AKR1E2: variants seen among roughly 807,000 people sequenced by gnomAD.
AKR1E2 encodes the protein aldo-keto reductase family 1 member E2.
A neutral mutation model predicts 41.9 loss-of-function variants in AKR1E2; 43 were observed. The observed-to-expected ratio is 1.03, with a 90% confidence interval of 0.80 to 1.32. The LOEUF (loss-of-function observed/expected upper bound fraction) is 1.32. Ranked by LOEUF, AKR1E2 falls within the 40% of genes most tolerant of loss-of-function variation. The pLI is 0.00. For synonymous variants in AKR1E2, 121 were observed against 138.9 expected, an observed-to-expected ratio of 0.87 and a Z score of 0.91; for missense variants, 423 against 396.5, an observed-to-expected ratio of 1.07 and a Z score of -0.57.
At chr10:4,825,348 G>T (rs921403684), upstream of AKR1E2, among the ~76,000 whole-genome samples, 12 of 152,186 alleles carry the variant, frequency 7.9e-5, no homozygotes, top group African/African-American at 2.9e-4. Context: ...GGGCAATGAA[G>T]GGGGAGCTGT....
chr10:4,825,492 G>A (rs780286570), upstream of AKR1E2, among the ~76,000 whole-genome samples: 11 of 152,116 alleles, frequency 7.2e-5, no homozygotes, highest in Non-Finnish European at 1.3e-4. Flanking sequence ...ACGGGGGCCC[G>A]AGGCTGCAAG....
At position 4,826,334 on chromosome 10, in the gene AKR1E2, AT is replaced by A. The variant is rs1832498097; in HGVS notation, c.11del (p.Ile4ThrfsTer16). MGDIPAVGLSSWKA... is the reference protein window; with the variant it reads MGDXPAVGLSSWKA... The stretch of plus-strand genomic sequence containing the variant: ...GCGGCCGGCGGCGGCCATGGGAGAT[AT>A]CCCAGCCGTGGGCCTCAGCTCCTGG... On this transcript the variant is annotated frameshift_variant, in exon 1 of 10. Transcript: ENST00000298375. LOFTEE classifies it high-confidence loss of function. 1 of 1,234,642 alleles carries A rather than the reference AT, an allele frequency of 8.1e-7. No individual in the cohort carries two copies. Among genetic ancestry groups the A allele is most frequent in the Non-Finnish European group, 1.0e-6 (1 of 987,530 alleles). The allele number at this position is 1,234,642 out of a possible 1,614,324, so 76.5% of individuals were successfully genotyped here.
the AKR1E2 span, among the ~76,000 whole-genome samples, chr10:4,863,305 G>C: frequency 3.3e-5 from 5 of 151,832 alleles, no homozygotes; most frequent in African/African-American, 7.3e-5. Flanking sequence ...GATTAAGAAA[G>C]TCACTCAAAA....
At chr10:4,849,723 A>G (rs1199597231), downstream of AKR1E2, among the ~76,000 whole-genome samples, 1 of 152,196 alleles carries the variant, frequency 6.6e-6, no homozygotes, top group Non-Finnish European at 1.5e-5. Context: ...GTTAACAGTA[A>G]TACGTCAGGT....
At position 4,833,566 on chromosome 10, in the gene AKR1E2, G is replaced by A. The variant is rs1047933917; in HGVS notation, c.324+100G>A. 5.4e-5 allele frequency: 55 copies of A among 1,025,178 alleles called. No homozygotes were observed. In the African/African-American group the frequency reaches 7.1e-4, roughly 13 times the overall value. 63.5% of individuals were successfully genotyped at this position (1,025,178 alleles called of 1,614,324 possible). On this transcript the variant is annotated intron_variant, in intron 3 of 9. Transcript: ENST00000298375. ...GGGAGAGCATGGACCAGCATTCAGG[G>A]CAGGGGTTCCCAGGCTGCATCTGCC...
chr10:4,837,624 G>A (rs1376439086), intron 5 of AKR1E2, 43 bp downstream of exon 5: 1 of 1,589,278 alleles, frequency 6.3e-7, no homozygotes, highest in East Asian at 2.3e-5. Context: ...TGTGTGGCTG[G>A]TCCCCCAGCT....
the AKR1E2 span, among the ~76,000 whole-genome samples, chr10:4,858,823 ATTT>A: frequency 1.5e-5 from 2 of 131,974 alleles, no homozygotes; most frequent in African/African-American, 2.9e-5. Context: ...AGGAATTTGG[ATTT>A]TTTTTTTTTT....
At position 4,847,195 on chromosome 10, in the gene AKR1E2, C is replaced by T. The variant is rs1377874267; in HGVS notation, c.885C>T (p.Ser295=). 3 of 1,614,162 alleles carry T rather than the reference C, an allele frequency of 1.9e-6. No homozygotes were observed. The highest frequency in any genetic ancestry group is 3.3e-5 in the Admixed American group (2 of 60,016). ...LTQHDMDNIL[S]LNRNLRLAMF... is the part of the protein sequence containing the mutation. ...AGCACGATATGGATAACATCCTCAG[C>T]CTAAACAGGAATCTCCGACTGGCCA... Residue 295 remains serine, a synonymous_variant, in exon 9 of 10, where the codon AGC becomes AGT. Transcript: ENST00000298375.
chr10:4,864,187 A>G, the AKR1E2 span, among the ~76,000 whole-genome samples: 3 of 152,150 alleles, frequency 2.0e-5, no homozygotes, highest in Admixed American at 6.5e-5. Context: ...AATATCCCTG[A>G]TGAAATTGAC....
chr10:4,859,750 C>T, the AKR1E2 span, among the ~76,000 whole-genome samples: 3 of 152,240 alleles, frequency 2.0e-5, no homozygotes, highest in African/African-American at 7.2e-5. Flanking sequence ...ACTGTCCTTC[C>T]TTTCTCTGAA....
At position 4,847,901 on chromosome 10, in the gene AKR1E2, C is replaced by T. The variant is rs1449352000; in HGVS notation, c.*371C>T. The T allele has an allele frequency of 1.0e-5, 2 of 198,816 alleles. No individual in the cohort carries two copies. The highest frequency in any genetic ancestry group is 2.0e-5 in the Non-Finnish European group (2 of 99,464). 12.3% of individuals were successfully genotyped at this position (198,816 alleles called of 1,614,324 possible). A position where few individuals can be genotyped will look rare whatever the true frequency, so the allele number is the denominator to read the frequency against. ...CCATTGCGCAGCTCCACCCATTGTG[C>T]CCCAGGCCAGCCCGCGTCACCTACA... On this transcript the variant is annotated 3_prime_UTR_variant, in exon 10 of 10. Coordinates refer to ENST00000298375, the MANE Select transcript of AKR1E2 (RefSeq NM_001040177.3).
chr10:4,833,951 T>C (rs1375297287), intron 3 of AKR1E2, among the ~76,000 whole-genome samples: 2 of 152,244 alleles, frequency 1.3e-5, no homozygotes, highest in Non-Finnish European at 2.9e-5. Context: ...CTTGGTTTTA[T>C]TCTCTTAATT....
chr10:4,867,706 C>T, the AKR1E2 span, among the ~76,000 whole-genome samples: 2 of 152,170 alleles, frequency 1.3e-5, no homozygotes, highest in African/African-American at 4.8e-5. Context: ...TTCTTTTTAA[C>T]CCACAGTTCT....
intron 2 of AKR1E2, among the ~76,000 whole-genome samples, chr10:4,831,827 A>G (rs17133680): frequency 0.035 from 5,303 of 152,254 alleles, 148 homozygotes; most frequent in East Asian, 0.11. Context: ...GCCCTGTTTC[A>G]TTTTTAAATA....
chr10:4,861,025 G>C, the AKR1E2 span, among the ~76,000 whole-genome samples: 1 of 152,164 alleles, frequency 6.6e-6, no homozygotes, highest in African/African-American at 2.4e-5. Flanking sequence ...AATTTGACCA[G>C]TACATTATAA....
chr10:4,850,515 C>T (rs534202230), downstream of AKR1E2, among the ~76,000 whole-genome samples: 36 of 152,312 alleles, frequency 2.4e-4, no homozygotes, highest in South Asian at 7.1e-3. Flanking sequence ...TTTTGAGAAA[C>T]TGCCAACTGT....
chr10:4,836,088 A>C (rs977476102), intron 4 of AKR1E2, among the ~76,000 whole-genome samples: 5 of 152,162 alleles, frequency 3.3e-5, no homozygotes. Flanking sequence ...TTTTTTATTA[A>C]AAACCATATT....
chr10:4,841,994 C>G, intron 7 of AKR1E2, 137 bp downstream of exon 7: 1 of 690,826 alleles, frequency 1.4e-6, no homozygotes, highest in Non-Finnish European at 2.3e-6. Context: ...AACCTCCCAG[C>G]GTCAAGCAGA....
chr10:4,855,934 T>G, the AKR1E2 span, among the ~76,000 whole-genome samples: 1 of 152,178 alleles, frequency 6.6e-6, no homozygotes, highest in Non-Finnish European at 1.5e-5. Context: ...TGGGGACATG[T>G]GGAGAGCCAT....
Sources: gnomAD v4.1 joint callset for allele counts (sites outside exome capture counted in the v4.1 genomes callset) on GRCh38, gnomAD v4.1.1 for gene constraint, MANE v1.5 for transcripts, NCBI Gene and HGNC (gene_info 2026-07-23, HGNC 2026-07-21) for gene names.